Variants in FAM161A observed in about 807,000 individuals in gnomAD.
FAM161A encodes the protein FAM161 centrosomal protein A.
Under a neutral mutation model 70.9 loss-of-function variants are expected in FAM161A, and 57 were observed. That is an observed-to-expected ratio of 0.80 (90% CI 0.65 to 1.00). The LOEUF (loss-of-function observed/expected upper bound fraction) is 1.00. Ranked by LOEUF, FAM161A falls within the 50% of genes least tolerant of loss-of-function variation. The pLI is 0.00. For missense variants in FAM161A, 880 were observed against 836.0 expected (o/e 1.05, Z -0.65); for synonymous variants, 299 against 295.7 (o/e 1.01, Z -0.12).
rs889749612 is a variant in FAM161A at position 61,827,059 on chromosome 2, T to G, written c.2006+45A>C. 1.9e-6 allele frequency: 3 copies of G among 1,596,718 alleles called. No individual in the cohort carries two copies. In the African/African-American group the frequency reaches 4.0e-5, roughly 21 times the overall value. On this transcript the variant is annotated intron_variant, in intron 6 of 6. Transcript: ENST00000404929. ...TAAAATTGTGCTTTTCTGCAGGTAATAATTTTTTCAAAGGTAAGCCATTCA... is the reference window on the plus strand; with the variant it reads ...TAAAATTGTGCTTTTCTGCAGGTAAGAATTTTTTCAAAGGTAAGCCATTCA...
rs779902438 is a variant in FAM161A at position 61,826,551 on chromosome 2, A to T, written c.2055T>A (p.Asn685Lys). The T allele has an allele frequency of 1.3e-5, 21 of 1,601,010 alleles. No individual in the cohort carries two copies. The highest frequency in any genetic ancestry group is 1.7e-5 in the Non-Finnish European group (20 of 1,171,432). ...KIEERENGEE[N>K]YFIDTNSQDS... ...CCTGGCTGTTGGTATCAATAAAATAATTTTCTTCCCCATTCTCTCTTTCTT... is the reference window on the plus strand; with the variant it reads ...CCTGGCTGTTGGTATCAATAAAATATTTTTCTTCCCCATTCTCTCTTTCTT... The change falls in exon 7 of 7, where the codon AAT becomes AAA. Residue 685 changes from asparagine to lysine, a missense_variant. By Grantham distance (94) the Asn-to-Lys change is moderately conservative. Coordinates refer to ENST00000404929, the MANE Select transcript of FAM161A (RefSeq NM_001201543.2).
At chr2:61,802,567 A>G in the FAM161A span, among the ~76,000 whole-genome samples, 1 of 152,220 alleles carries the variant, frequency 6.6e-6, no homozygotes, top group South Asian at 2.1e-4. Context: ...TATTGTGTCA[A>G]AAAGAAATAG....
chr2:61,846,792 G>A (rs951316771), intron 1 of FAM161A: 67 of 359,800 alleles, frequency 1.9e-4, no homozygotes, highest in African/African-American at 1.3e-3. Context: ...GCTTCCTGTC[G>A]GCTTGTGTCA....
the FAM161A span, among the ~76,000 whole-genome samples, chr2:61,805,833 T>G: frequency 6.7e-6 from 1 of 149,892 alleles, no homozygotes. Context: ...TATTGCTAGG[T>G]TTTTTTTTTC....
intron 4 of FAM161A, among the ~76,000 whole-genome samples, chr2:61,837,985 T>A (rs1201128985): frequency 1.3e-5 from 2 of 152,230 alleles, no homozygotes; most frequent in African/African-American, 4.8e-5. Flanking sequence ...AACATCAACA[T>A]TTTTATGTGC....
At chr2:61,805,373 G>A in the FAM161A span, among the ~76,000 whole-genome samples, 1 of 152,092 alleles carries the variant, frequency 6.6e-6, no homozygotes. Context: ...AAATTTAGCC[G>A]GGCTTGGTGG....
At chr2:61,839,366 G>T in intron 3 of FAM161A, 55 bp downstream of exon 3, 1 of 1,506,270 alleles carries the variant, frequency 6.6e-7, no homozygotes, top group Non-Finnish European at 9.2e-7. Flanking sequence ...CCACAGAGCT[G>T]CATACACTCA....
Position 61,842,129 on chromosome 2 carries a change from A to G in FAM161A, c.415T>C (p.Ser139Pro). ...VVIREDSLSD[S>P]SRSVSEKNSY... ...ATTGAGTTACAAGCTTACCTGGAAG[A>G]GTCACTAAGAGAGTCTTCTCTGATG... Residue 139 changes from serine to proline, a missense_variant, in exon 2 of 7, where the codon TCT becomes CCT. Ser to Pro is a moderately conservative substitution (Grantham distance 74). Transcript: ENST00000404929. 2 of 1,551,812 alleles carry G rather than the reference A, an allele frequency of 1.3e-6. No homozygotes were observed. Among genetic ancestry groups the G allele is most frequent in the Non-Finnish European group, 1.8e-6 (2 of 1,123,280 alleles).
At chr2:61,810,506 T>G in the FAM161A span, among the ~76,000 whole-genome samples, 1 of 135,364 alleles carries the variant, frequency 7.4e-6, no homozygotes, top group Non-Finnish European at 1.5e-5. Context: ...TTATCCAGGC[T>G]GGAGTGCAAT....
chr2:61,823,459 G>A (rs945848289), downstream of FAM161A, among the ~76,000 whole-genome samples: 3 of 150,590 alleles, frequency 2.0e-5, no homozygotes, highest in African/African-American at 7.3e-5. Context: ...CAACCACCTG[G>A]GCTGAACCAA....
the FAM161A span, among the ~76,000 whole-genome samples, chr2:61,804,779 A>AAAGAAAGAAAGAAAG: frequency 1.4e-5 from 2 of 145,628 alleles, no homozygotes; most frequent in South Asian, 4.3e-4. Context: ...AGAAAGAAAG[A>AAAGAAAGAAAGAAAG]AAGAAAGAAA....
At chr2:61,852,153 C>A (rs1253820066) in intron 1 of FAM161A, among the ~76,000 whole-genome samples, 3 of 152,032 alleles carry the variant, frequency 2.0e-5, no homozygotes, top group Non-Finnish European at 4.4e-5. Flanking sequence ...CAGAACAGTA[C>A]CAAACTCTTA....
At chr2:61,828,928 C>G (rs1190783598) in intron 5 of FAM161A, among the ~76,000 whole-genome samples, 1 of 152,120 alleles carries the variant, frequency 6.6e-6, no homozygotes, top group Non-Finnish European at 1.5e-5. Context: ...ATTTTAGCTC[C>G]CATGAGTGGA....
chr2:61,854,034 G>A lies in FAM161A; in HGVS notation c.8C>T (p.Thr3Ile). The change falls in exon 1 of 7, where the codon ACC becomes ATC. Residue 3 changes from threonine to isoleucine, a missense_variant. By Grantham distance (89) the Thr-to-Ile change is moderately conservative. Transcript: ENST00000404929. Reference sequence around the variant, plus strand: ...CACCAGCTTCGCCACTCGGTGGGAGGTGGCCATCGCCCCGCCTCCGAGGCC... The same window carrying A: ...CACCAGCTTCGCCACTCGGTGGGAGATGGCCATCGCCCCGCCTCCGAGGCC... MA[T>I]SHRVAKLVAS... 1 of 1,607,912 alleles carries A rather than the reference G, an allele frequency of 6.2e-7. No individual in the cohort carries two copies. Among genetic ancestry groups the A allele is most frequent in the Non-Finnish European group, 8.5e-7 (1 of 1,177,310 alleles).
In FAM161A at chr2:61,838,642, C is replaced by T; in HGVS notation, c.1647G>A (p.Lys549=). 6.2e-7 allele frequency: 1 copy of T among 1,611,910 alleles called. No homozygotes were observed. Among genetic ancestry groups the T allele is most frequent in the Non-Finnish European group, 8.5e-7 (1 of 1,179,412 alleles). The change falls in exon 4 of 7, where the codon AAG becomes AAA. Residue 549 remains lysine, a synonymous_variant. Coordinates refer to ENST00000404929, the MANE Select transcript of FAM161A (RefSeq NM_001201543.2). ...EERNRILTKQ[K]QRMKELQKLL... ...GTTTCTGCAATTCTTTCATTCTTTG[C>T]TTCTGTTTAGTTAGGATCCGATTTC...
In FAM161A at chr2:61,839,645, C is replaced by T. The variant is rs1162777595; in HGVS notation, c.1359G>A (p.Val453=). Residue 453 remains valine, a synonymous_variant, in exon 3 of 7, where the codon GTG becomes GTA. Transcript: ENST00000404929. ...SEHKSPKLLT[V]CKPFDLHASP... Reference sequence around the variant, plus strand: ...ATGCATGAAGATCAAATGGTTTACACACTGTTAAGAGTTTTGGAGACTTGT... The same window carrying T: ...ATGCATGAAGATCAAATGGTTTACATACTGTTAAGAGTTTTGGAGACTTGT... 5 of 1,614,220 alleles carry T rather than the reference C, an allele frequency of 3.1e-6. No homozygotes were observed. The highest frequency in any genetic ancestry group is 4.2e-6 in the Non-Finnish European group (5 of 1,180,034).
At chr2:61,806,680 C>CTTTTTTTTTTTTTTTTTT in the FAM161A span, among the ~76,000 whole-genome samples, 7 of 61,592 alleles carry the variant, frequency 1.1e-4, 1 homozygote, top group Admixed American at 2.0e-4. Context: ...CTTTCCACGT[C>CTTTTTTTTTTTTTTTTTT]TTTTTTTTTT....
chr2:61,810,360 C>T, the FAM161A span, among the ~76,000 whole-genome samples: 4 of 151,654 alleles, frequency 2.6e-5, no homozygotes, highest in Middle Eastern at 6.8e-3. Context: ...AGTCTCTCCA[C>T]GGAAAGAGAA....
At chr2:61,808,485 G>T in the FAM161A span, among the ~76,000 whole-genome samples, 1 of 151,986 alleles carries the variant, frequency 6.6e-6, no homozygotes, top group South Asian at 2.1e-4. Context: ...TGTTGGCCAG[G>T]ATAGTCTCGA....
Sources: allele counts gnomAD v4.1 joint callset (sites outside exome capture counted in the v4.1 genomes callset), GRCh38; gene constraint gnomAD v4.1.1; transcripts MANE v1.5; gene names NCBI Gene and HGNC (gene_info 2026-07-23, HGNC 2026-07-21).